The following CGNL1 variants were observed in gnomAD, a reference collection of about 807,000 sequenced individuals.
CGNL1 encodes cingulin-like protein 1.
Under a neutral mutation model 141.2 loss-of-function variants are expected in CGNL1, and 132 were observed. The ratio of observed to expected loss-of-function variants is 0.93; its 90% CI spans 0.81 to 1.08. CGNL1 has a LOEUF of 1.08. CGNL1 is among the 50% of genes least tolerant of loss of function. CGNL1 has a pLI of 0.00. For missense variants in CGNL1, 1,870 were observed against 1,588.6 expected (o/e 1.18, Z -3.01); for synonymous variants, 690 against 622.1 (o/e 1.11, Z -1.63).
At chr15:57,408,373 GA>G (rs1489931546) in intron 1 of CGNL1, among the ~76,000 whole-genome samples, 5 of 152,028 alleles carry the variant, frequency 3.3e-5, no homozygotes, top group Admixed American at 3.3e-4. Context: ...GCCTCACTCA[GA>G]GACAAATCTT....
At chr15:57,478,890 C>T (rs2063689913) in intron 8 of CGNL1, among the ~76,000 whole-genome samples, 1 of 152,188 alleles carries the variant, frequency 6.6e-6, no homozygotes, top group Admixed American at 6.5e-5. Context: ...TCTCCCACCT[C>T]TGCCTCCCAA....
chr15:57,460,603 C>T (rs546177398), intron 7 of CGNL1, among the ~76,000 whole-genome samples: 2 of 152,286 alleles, frequency 1.3e-5, no homozygotes, highest in South Asian at 2.1e-4. Flanking sequence ...GGGAAGCAGG[C>T]ACCTTCTTCA....
At chr15:57,547,272 A>G (rs1240400353) in intron 18 of CGNL1, 83 bp from the exon 19 acceptor site, 1 of 1,514,032 alleles carries the variant, frequency 6.6e-7, no homozygotes, top group Non-Finnish European at 9.0e-7. Context: ...CAGGGACAGC[A>G]ACCCAAAACC....
chr15:57,461,920 T>C (rs1567133269), intron 8 of CGNL1, 28 bp downstream of exon 8: 2 of 1,574,374 alleles, frequency 1.3e-6, no homozygotes, highest in Non-Finnish European at 8.7e-7. Flanking sequence ...AGAATCTGGC[T>C]TGTGAACAGA....
chr15:57,516,173 A>T (rs573567881), intron 8 of CGNL1, among the ~76,000 whole-genome samples: 58 of 151,042 alleles, frequency 3.8e-4, no homozygotes, highest in African/African-American at 1.4e-3. Flanking sequence ...AAAAAAAAAA[A>T]AAAAAAAAGA....
intron 1 of CGNL1, among the ~76,000 whole-genome samples, chr15:57,417,607 CT>C (rs5812893): frequency 2.0e-4 from 29 of 145,140 alleles, no homozygotes; most frequent in Middle Eastern, 3.5e-3. Flanking sequence ...TGAAATAGTG[CT>C]TTTTTTTTTT....
Position 57,472,541 on chromosome 15 carries a change from C to A in CGNL1, c.2403+10649C>A, listed in dbSNP as rs555877772. ...TGGGCTTGACCAGTGAGGTGGGAGG[C>A]CCTGGGATGATTCGTTCATGCTGAC... On this transcript the variant is annotated intron_variant, in intron 8 of 18. Transcript: ENST00000281282. Among the ~76,000 whole-genome samples the A allele has an allele frequency of 2.8e-4, 42 of 152,202 alleles. No homozygotes were observed. In the South Asian group the frequency reaches 8.7e-3, roughly 32 times the overall value.
At chr15:57,510,014 G>C (rs747901452) in intron 8 of CGNL1, among the ~76,000 whole-genome samples, 1 of 152,146 alleles carries the variant, frequency 6.6e-6, no homozygotes, top group Non-Finnish European at 1.5e-5. Context: ...TCTTCTTTGT[G>C]CAGTGTAGTC....
At chr15:57,398,338 A>T (rs1239404376) in intron 1 of CGNL1, 1 of 151,894 alleles carries the variant, frequency 6.6e-6, no homozygotes, top group Non-Finnish European at 1.5e-5. Context: ...TCCTGCAAGC[A>T]AGATACTGTT....
chr15:57,547,215 G>A (rs1169427053), intron 18 of CGNL1, 140 bp from the exon 19 acceptor site: 46 of 924,500 alleles, frequency 5.0e-5, no homozygotes, highest in Middle Eastern at 2.7e-4. Flanking sequence ...ATCAGGTGGA[G>A]ACCTGTTACA....
chr15:57,408,476 A>G (rs1045245332), intron 1 of CGNL1, among the ~76,000 whole-genome samples: 4 of 152,168 alleles, frequency 2.6e-5, no homozygotes, highest in Non-Finnish European at 4.4e-5. Context: ...CAAAGTTTGG[A>G]CAGTTTTCCC....
chr15:57,442,257 A>G, intron 3 of CGNL1, 116 bp from the exon 4 acceptor site: 1 of 459,972 alleles, frequency 2.2e-6, no homozygotes, highest in Non-Finnish European at 3.9e-6. Context: ...TAATTAATTC[A>G]CAGCTCCTGC....
chr15:57,446,033 A>G (rs1174203247), intron 4 of CGNL1, among the ~76,000 whole-genome samples: 1 of 152,210 alleles, frequency 6.6e-6, no homozygotes, highest in Non-Finnish European at 1.5e-5. Flanking sequence ...CATACAGGCT[A>G]TGCAGAGAGG....
At chr15:57,428,523 G>A (rs527436423) in intron 1 of CGNL1, among the ~76,000 whole-genome samples, 1 of 152,262 alleles carries the variant, frequency 6.6e-6, no homozygotes, top group East Asian at 1.9e-4. Flanking sequence ...CTTAAAATGT[G>A]GTTGCTGGGA....
chr15:57,392,699 C>T (rs376221297), intron 1 of CGNL1, among the ~76,000 whole-genome samples: 14 of 152,134 alleles, frequency 9.2e-5, no homozygotes, highest in African/African-American at 3.4e-4. Context: ...GATAATAAAG[C>T]TGTATAAGGT....
At chr15:57,477,237 A>T (rs1471819162) in intron 8 of CGNL1, among the ~76,000 whole-genome samples, 2 of 152,162 alleles carry the variant, frequency 1.3e-5, no homozygotes, top group Non-Finnish European at 2.9e-5. Context: ...TTAGAGATAG[A>T]TCTGAAAGCA....
intron 10 of CGNL1, 69 bp downstream of exon 10, chr15:57,518,566 G>A (rs2031014071): frequency 9.5e-7 from 1 of 1,053,630 alleles, no homozygotes; most frequent in Non-Finnish European, 1.4e-6. Context: ...CCAGAGGGAT[G>A]TGTGGAGATT....
intron 1 of CGNL1, among the ~76,000 whole-genome samples, chr15:57,432,618 G>A (rs2063058681): frequency 6.6e-6 from 1 of 152,192 alleles, no homozygotes; most frequent in African/African-American, 2.4e-5. Context: ...CTTAGTCCCC[G>A]ACGGCGCAAG....
rs1211688998 is a variant in CGNL1, at chr15:57,439,027, G to A, written c.1028G>A (p.Arg343Gln). ...ATTCCCTTCCTGCCAGGAACTGGACGGGATATTGATACAGGATCAATTCCT... is the reference window on the plus strand; with the variant it reads ...ATTCCCTTCCTGCCAGGAACTGGACAGGATATTGATACAGGATCAATTCCT... ...RYIPFLPGTG[R>Q]DIDTGSIPGV... is the part of the protein sequence containing the mutation. The change falls in exon 2 of 19, where the codon CGG becomes CAG. Residue 343 changes from arginine (R) to glutamine (Q), a missense_variant. Arg to Gln is a conservative substitution (Grantham distance 43). Transcript: ENST00000281282. 1.2e-6 allele frequency: 2 copies of A among 1,614,184 alleles called. No homozygotes were observed. Among genetic ancestry groups the A allele is most frequent in the African/African-American group, 1.3e-5 (1 of 75,032 alleles).
Sources: gnomAD v4.1 joint callset for allele counts (sites outside exome capture counted in the v4.1 genomes callset) on GRCh38, gnomAD v4.1.1 for gene constraint, MANE v1.5 for transcripts, NCBI Gene and HGNC (gene_info 2026-07-23, HGNC 2026-07-21) for gene names.